The following VPS41 variants were observed in gnomAD, a reference collection of about 807,000 sequenced individuals.
The protein encoded by VPS41 is vacuolar protein sorting-associated protein 41 homolog.
In VPS41, 85 loss-of-function variants were observed where a neutral mutation model predicts 130.9. The ratio of observed to expected loss-of-function variants is 0.65; its 90% CI spans 0.55 to 0.78. The LOEUF is 0.78. Among genes scored for constraint, VPS41 ranks in the 30% least tolerant of loss-of-function variants. The probability of loss-of-function intolerance (pLI) is 0.00; values close to 1 mark genes in which losing one functional copy is unlikely to be tolerated. For synonymous variants in VPS41, 335 were observed against 332.9 expected, an observed-to-expected ratio of 1.01 and a Z score of -0.07; for missense variants, 874 against 1,018.7, an observed-to-expected ratio of 0.86 and a Z score of 1.93.
At chr7:38,904,935 GT>G (rs1221963995) in intron 1 of VPS41, among the ~76,000 whole-genome samples, 2 of 152,100 alleles carry the variant, frequency 1.3e-5, no homozygotes, top group Non-Finnish European at 2.9e-5. Context: ...AGATCAAAGG[GT>G]ACCTGGGGAG....
chr7:38,839,368 C>T (rs1247473348), intron 4 of VPS41, among the ~76,000 whole-genome samples: 3 of 152,166 alleles, frequency 2.0e-5, no homozygotes, highest in Admixed American at 2.0e-4. Context: ...CAAAACAAAA[C>T]AAAAACAAGT....
rs2115557599 is a variant in VPS41, at chr7:38,725,486, T to C, written c.*760A>G. On this transcript the variant is annotated 3_prime_UTR_variant, in exon 29 of 29. Transcript: ENST00000310301. Reference sequence around the variant, plus strand: ...CAGACTCGAAGGTGTTGAACTCTCTTTTCTTCCTTACAAGGGTGCCAGAAT... The same window carrying C: ...CAGACTCGAAGGTGTTGAACTCTCTCTTCTTCCTTACAAGGGTGCCAGAAT... 6.6e-6 allele frequency: 1 copy of C among 152,346 alleles called. No homozygotes were observed. Among genetic ancestry groups the C allele is most frequent in the Middle Eastern group, 3.4e-3 (1 of 296 alleles). The allele number at this position is 152,346 out of a possible 1,614,324, so 9.4% of individuals were successfully genotyped here. A position where few individuals can be genotyped will look rare whatever the true frequency, so the allele number is the denominator to read the frequency against.
chr7:38,843,373 G>A (rs1350145595), intron 4 of VPS41, among the ~76,000 whole-genome samples: 1 of 152,250 alleles, frequency 6.6e-6, no homozygotes, highest in East Asian at 1.9e-4. Flanking sequence ...TTTTAAAGAT[G>A]ACTCTATGCC....
rs2115557705 is a variant in VPS41 at position 38,726,102 on chromosome 7, C to T, written c.*144G>A. ...GAACTGCAAAGAGAAACCATTAGTA[C>T]AGGAATAGATGAAGAAATTGTTTTT... On this transcript the variant is annotated 3_prime_UTR_variant, in exon 29 of 29. Transcript: ENST00000310301. 2 of 628,936 alleles carry T rather than the reference C, an allele frequency of 3.2e-6. No homozygotes were observed. Among genetic ancestry groups the T allele is most frequent in the East Asian group, 2.8e-5 (1 of 36,172 alleles). 39.0% of individuals were successfully genotyped at this position (628,936 alleles called of 1,614,324 possible).
intron 17 of VPS41, among the ~76,000 whole-genome samples, chr7:38,761,114 AT>A (rs534031573): frequency 3.0e-3 from 451 of 152,084 alleles, no homozygotes; most frequent in Middle Eastern, 0.021. Flanking sequence ...AACCAAAATA[AT>A]ATTTCAGATC....
intron 4 of VPS41, among the ~76,000 whole-genome samples, chr7:38,857,493 C>T (rs1386108817): frequency 6.6e-6 from 1 of 152,186 alleles, no homozygotes. Context: ...TGGCATAATG[C>T]TCCTAAATAT....
At chr7:38,842,532 G>A (rs1480150960) in intron 4 of VPS41, among the ~76,000 whole-genome samples, 2 of 152,170 alleles carry the variant, frequency 1.3e-5, no homozygotes, top group Non-Finnish European at 1.5e-5. Flanking sequence ...CATTCGAATA[G>A]TAAAATATAT....
rs772736609 is a variant in VPS41, at chr7:38,876,303, A to G, written c.61-7050T>C. Reference sequence around the variant, plus strand: ...ATCTGTTTTCAAAGACAATTTAATAACAAAAAGAAATGTTCTCACAATGTC... The same window carrying G: ...ATCTGTTTTCAAAGACAATTTAATAGCAAAAAGAAATGTTCTCACAATGTC... On this transcript the variant is annotated intron_variant, in intron 2 of 28. Transcript: ENST00000310301. Among the ~76,000 whole-genome samples the G allele has an allele frequency of 1.4e-4, 22 of 152,354 alleles. 1 individual carries two copies. In the Middle Eastern group the frequency reaches 0.01, roughly 71 times the overall value.
rs1208031756 is a variant in VPS41 at position 38,726,334 on chromosome 7, T to C, written c.2485-8A>G. The C allele has an allele frequency of 3.7e-6, 6 of 1,605,346 alleles. No homozygotes were observed. The highest frequency in any genetic ancestry group is 5.1e-6 in the Non-Finnish European group (6 of 1,173,888). On this transcript the variant is annotated splice_polypyrimidine_tract_variant and splice_region_variant and intron_variant, in intron 28 of 28. Coordinates refer to ENST00000310301, the MANE Select transcript of VPS41 (RefSeq NM_014396.4). ...GAACTGTGCAGCAGAGTTCTAAAAA[T>C]GCAATTTAAAAACACATATTTAAAA...
chr7:38,825,861 T>G (rs1156354332), intron 5 of VPS41, among the ~76,000 whole-genome samples: 1 of 152,180 alleles, frequency 6.6e-6, no homozygotes, highest in East Asian at 1.9e-4. Flanking sequence ...AAACTCTATG[T>G]ATTTGCCAAC....
At chr7:38,871,045 A>G (rs532241667) in intron 2 of VPS41, among the ~76,000 whole-genome samples, 2 of 152,302 alleles carry the variant, frequency 1.3e-5, no homozygotes, top group South Asian at 4.1e-4. Context: ...GCTCTAACAT[A>G]CTTTTCATTA....
chr7:38,792,622 G>C (rs1436373640), intron 9 of VPS41, among the ~76,000 whole-genome samples: 1 of 152,060 alleles, frequency 6.6e-6, no homozygotes, highest in Admixed American at 6.5e-5. Flanking sequence ...AGCCTAATTG[G>C]TCTCCCCTCT....
Position 38,726,179 on chromosome 7 carries a change from T to C in VPS41, c.*67A>G, listed in dbSNP as rs1795537392. 9 of 1,076,410 alleles carry C rather than the reference T, an allele frequency of 8.4e-6. No individual in the cohort carries two copies. In the South Asian group the frequency reaches 8.9e-5, roughly 11 times the overall value. The allele number at this position is 1,076,410 out of a possible 1,614,324, so 66.7% of individuals were successfully genotyped here. A position where few individuals can be genotyped will look rare whatever the true frequency, so the allele number is the denominator to read the frequency against. On this transcript the variant is annotated 3_prime_UTR_variant, in exon 29 of 29. Coordinates refer to ENST00000310301, the MANE Select transcript of VPS41 (RefSeq NM_014396.4). The stretch of plus-strand genomic sequence containing the variant: ...TCTTAACAGCACGAGTGTCAACAAA[T>C]GCTTTTGTTGTTGCAAAAACAGTCT...
chr7:38,809,655 C>T (rs1221342322), intron 7 of VPS41, among the ~76,000 whole-genome samples: 1 of 152,040 alleles, frequency 6.6e-6, no homozygotes, highest in African/African-American at 2.4e-5. Context: ...TTCATTCACT[C>T]CAGTCCTTTC....
At chr7:38,801,524 C>T (rs747854885) in intron 7 of VPS41, among the ~76,000 whole-genome samples, 1 of 152,058 alleles carries the variant, frequency 6.6e-6, no homozygotes, top group Non-Finnish European at 1.5e-5. Flanking sequence ...TAAGGAAATA[C>T]TAAATAAAGT....
intron 4 of VPS41, among the ~76,000 whole-genome samples, chr7:38,849,199 C>A (rs12670221): frequency 0.23 from 35,171 of 152,058 alleles, 4,496 homozygotes; most frequent in South Asian, 0.45. Context: ...CGGTGCCCTG[C>A]TGCTCAAACC....
At chr7:38,816,675 T>C (rs1785054740) in intron 7 of VPS41, among the ~76,000 whole-genome samples, 1 of 152,160 alleles carries the variant, frequency 6.6e-6, no homozygotes, top group East Asian at 1.9e-4. Context: ...GCAGACAGAT[T>C]CTTTAATTTG....
Position 38,758,494 on chromosome 7 carries a change from G to GA in VPS41, c.1423-14dup. 6.3e-7 allele frequency: 1 copy of GA among 1,598,028 alleles called. No individual in the cohort carries two copies. Among genetic ancestry groups the GA allele is most frequent in the South Asian group, 1.1e-5 (1 of 87,380 alleles). On this transcript the variant is annotated splice_polypyrimidine_tract_variant and intron_variant, in intron 17 of 28. Transcript: ENST00000310301. ...ATGTGGCAAAACCCTAACCAAAGGT[G>GA]AAAAACAGAAAAAGAACACTCATTC...
At chr7:38,810,261 CT>C (rs778136634) in intron 7 of VPS41, among the ~76,000 whole-genome samples, 7 of 152,130 alleles carry the variant, frequency 4.6e-5, no homozygotes, top group Non-Finnish European at 1.0e-4. Flanking sequence ...GAACTATAGC[CT>C]CCTAGTCCTA....
Sources: gnomAD v4.1 joint callset for allele counts (sites outside exome capture counted in the v4.1 genomes callset) on GRCh38, gnomAD v4.1.1 for gene constraint, MANE v1.5 for transcripts, NCBI Gene and HGNC (gene_info 2026-07-23, HGNC 2026-07-21) for gene names.